The following RARRES1 variants were observed in gnomAD, a reference collection of about 807,000 sequenced individuals.
RARRES1 encodes the protein retinoic acid receptor responder protein 1.
A neutral mutation model predicts 30.6 loss-of-function variants in RARRES1; 34 were observed. The ratio of observed to expected loss-of-function variants is 1.11; its 90% CI spans 0.84 to 1.48. The LOEUF is 1.48. Among genes scored for constraint, RARRES1 ranks in the 40% most tolerant of loss-of-function variants. RARRES1 has a pLI of 0.00. For synonymous variants in RARRES1, 153 were observed against 155.5 expected (o/e 0.98, Z 0.12); for missense variants, 373 against 386.5 (o/e 0.97, Z 0.29).
chr3:158,728,979 A>G lies in RARRES1; in HGVS notation c.276+3161T>C, dbSNP rs534468728. On this transcript the variant is annotated intron_variant, in intron 1 of 5. Coordinates refer to ENST00000237696, the MANE Select transcript of RARRES1 (RefSeq NM_206963.2). ...GGGAATCTCAAAGAGGCCTTCCCTA[A>G]TGACCCTATGCTAAATATGAATTAG... 3.3e-5 allele frequency among the ~76,000 whole-genome samples: 5 copies of G among 152,272 alleles called. No individual in the cohort carries two copies. The South Asian group carries it at 8.3e-4, about 25-fold the overall frequency.
rs138755640 is a variant in RARRES1, at chr3:158,700,202, A to AGTGTGTGT, written c.673-2240_673-2233dup. Among the ~76,000 whole-genome samples, 1,176 of 147,758 alleles carry AGTGTGTGT rather than the reference A, an allele frequency of 8.0e-3. 12 individuals are homozygous for AGTGTGTGT. Among genetic ancestry groups the AGTGTGTGT allele is most frequent in the African/African-American group, 0.027 (1,090 of 39,886 alleles). On this transcript the variant is annotated intron_variant, in intron 4 of 5. Coordinates refer to ENST00000237696, the MANE Select transcript of RARRES1 (RefSeq NM_206963.2). ...CGTCTTTATTTAAAAAATAATAATA[A>AGTGTGTGT]GTGTGTGTGTGTGTGTGTGTGTATA...
chr3:158,728,516 CTTTTTTTTT>C (rs755791546), intron 1 of RARRES1, among the ~76,000 whole-genome samples: 1 of 133,946 alleles, frequency 7.5e-6, no homozygotes, highest in African/African-American at 2.9e-5. Flanking sequence ...CTTTTTCTTT[CTTTTTTTTT>C]TTTTTTTTTG....
At chr3:158,711,186 T>C (rs554748349) in intron 2 of RARRES1, among the ~76,000 whole-genome samples, 1 of 152,166 alleles carries the variant, frequency 6.6e-6, no homozygotes, top group African/African-American at 2.4e-5. Flanking sequence ...AGAAATATCA[T>C]TGACATCCAT....
At chr3:158,719,269 AT>A (rs574609197) in intron 1 of RARRES1, among the ~76,000 whole-genome samples, 5,713 of 122,098 alleles carry the variant, frequency 0.047, 206 homozygotes, top group African/African-American at 0.17. Flanking sequence ...TTATGCTCTA[AT>A]TTTTTTTTTT....
chr3:158,718,557 C>T (rs1023272942), intron 1 of RARRES1, among the ~76,000 whole-genome samples: 32 of 152,184 alleles, frequency 2.1e-4, no homozygotes, highest in Admixed American at 2.1e-3. Context: ...TGGGGCTTTA[C>T]GACTGCAGTC....
intron 1 of RARRES1, among the ~76,000 whole-genome samples, chr3:158,725,608 G>A (rs905769041): frequency 2.0e-5 from 3 of 152,116 alleles, no homozygotes; most frequent in Non-Finnish European, 4.4e-5. Context: ...AAAGCCAAGT[G>A]GAAAATGTCG....
rs543827416 is a variant in RARRES1, at chr3:158,707,780, G to A, written c.536-2853C>T. On this transcript the variant is annotated intron_variant, in intron 3 of 5. Transcript: ENST00000237696. ...TCTTTTAGAAGAAAATACCTGTTGAGAATAAAGCAAAAGGTATTTGTTGCC... is the reference window on the plus strand; with the variant it reads ...TCTTTTAGAAGAAAATACCTGTTGAAAATAAAGCAAAAGGTATTTGTTGCC... Among the ~76,000 whole-genome samples the A allele has an allele frequency of 2.6e-5, 4 of 152,318 alleles. No homozygotes were observed. The South Asian group carries it at 8.3e-4, about 32-fold the overall frequency.
At chr3:158,711,997 A>C (rs190685863) in intron 2 of RARRES1, among the ~76,000 whole-genome samples, 1 of 152,328 alleles carries the variant, frequency 6.6e-6, no homozygotes, top group East Asian at 1.9e-4. Context: ...TGTATGACTC[A>C]TTTCTAGCAT....
In RARRES1 at chr3:158,697,737, C is replaced by A. The variant is rs1299472223; in HGVS notation, c.826G>T (p.Glu276Ter). Residue 276 changes from glutamate (E) to a stop codon, truncating the protein, a stop_gained, in exon 6 of 6, where the codon GAA (glutamate) becomes TAA (stop). Coordinates refer to ENST00000237696, the MANE Select transcript of RARRES1 (RefSeq NM_206963.2). LOFTEE classifies it high-confidence loss of function. The stretch of plus-strand genomic sequence containing the variant: ...GATCCTTCTTCAGTTCCGGAGGCTT[C>A]TTCTGGTGTCTGTAGCTCTTGACAG... ...YHCQELQTPE[E>*]ASGTEEGSAV... 2 of 1,612,958 alleles carry A rather than the reference C, an allele frequency of 1.2e-6. No individual in the cohort carries two copies. The highest frequency in any genetic ancestry group is 1.7e-6 in the Non-Finnish European group (2 of 1,179,038).
At chr3:158,717,030 T>C (rs1286710974) in intron 1 of RARRES1, among the ~76,000 whole-genome samples, 1 of 152,224 alleles carries the variant, frequency 6.6e-6, no homozygotes, top group African/African-American at 2.4e-5. Flanking sequence ...AAGAGCCCCG[T>C]GCTGTTTTGC....
rs77128112 is a variant in RARRES1, at chr3:158,723,895, C to A, written c.276+8245G>T. On this transcript the variant is annotated intron_variant, in intron 1 of 5. Coordinates refer to ENST00000237696, the MANE Select transcript of RARRES1 (RefSeq NM_206963.2). This position sits in a 1 kb window ranked among gnomAD's most constrained non-coding sequence, Gnocchi z 4.4. Reference sequence around the variant, plus strand: ...ATTTCAGCACCCTTCCAGCTACCTTCATTTAATTTAACAAATATCTAATAT... The same window carrying A: ...ATTTCAGCACCCTTCCAGCTACCTTAATTTAATTTAACAAATATCTAATAT... Among the ~76,000 whole-genome samples the A allele has an allele frequency of 2.0e-5, 3 of 152,198 alleles. No individual in the cohort carries two copies. Among genetic ancestry groups the A allele is most frequent in the Non-Finnish European group, 2.9e-5 (2 of 68,040 alleles).
Position 158,732,252 on chromosome 3 carries a change from G to T in RARRES1, c.164C>A (p.Pro55Gln). 1.4e-6 allele frequency: 2 copies of T among 1,379,828 alleles called. No homozygotes were observed. Among genetic ancestry groups the T allele is most frequent in the South Asian group, 1.7e-5 (1 of 58,360 alleles). The allele number at this position is 1,379,828 out of a possible 1,614,324, so 85.5% of individuals were successfully genotyped here. The change falls in exon 1 of 6, where the codon CCG (proline) becomes CAG (glutamine). Residue 55 changes from proline (P) to glutamine (Q), a missense_variant. By Grantham distance (76) the Pro-to-Gln change is moderately conservative. Transcript: ENST00000237696. ...CGCCGCCTGCTGCAGGAGCCTGCGCGGGACCCCAGCATCCTGAGGCTGCCC... is the reference window on the plus strand; with the variant it reads ...CGCCGCCTGCTGCAGGAGCCTGCGCTGGACCCCAGCATCCTGAGGCTGCCC... Reference protein sequence around the residue: ...DPGQPQDAGVPRRLLQQAARA... With the variant: ...DPGQPQDAGVQRRLLQQAARA...
chr3:158,698,659 TTTTC>T (rs1726628379), intron 4 of RARRES1, among the ~76,000 whole-genome samples: 1 of 143,772 alleles, frequency 7.0e-6, no homozygotes, highest in Non-Finnish European at 1.5e-5. Context: ...CAACTCCATA[TTTTC>T]TTTCTGACAT....
chr3:158,713,581 T>C (rs1005932420), intron 2 of RARRES1, among the ~76,000 whole-genome samples: 9 of 152,178 alleles, frequency 5.9e-5, no homozygotes, highest in Non-Finnish European at 1.3e-4. Flanking sequence ...TGGATTGTTT[T>C]AAATGCAACC....
intron 4 of RARRES1, among the ~76,000 whole-genome samples, chr3:158,703,240 T>G (rs904820435): frequency 6.6e-6 from 1 of 152,172 alleles, no homozygotes; most frequent in Non-Finnish European, 1.5e-5. Context: ...TGTTTCCTGC[T>G]TTCCCTCTAT....
chr3:158,718,029 A>G (rs1305579088), intron 1 of RARRES1, among the ~76,000 whole-genome samples: 2 of 146,998 alleles, frequency 1.4e-5, no homozygotes, highest in Non-Finnish European at 3.0e-5. Context: ...CCCAGGCTGG[A>G]GCACAGTTGC....
At chr3:158,715,603 G>A (rs1255363007) in intron 1 of RARRES1, among the ~76,000 whole-genome samples, 1 of 152,096 alleles carries the variant, frequency 6.6e-6, no homozygotes, top group Non-Finnish European at 1.5e-5. Flanking sequence ...ACAGTGCCTG[G>A]GTCAGCATAA....
At chr3:158,721,659 G>GT (rs1727516020) in intron 1 of RARRES1, among the ~76,000 whole-genome samples, 1 of 152,184 alleles carries the variant, frequency 6.6e-6, no homozygotes. Flanking sequence ...CTTTCAAAGT[G>GT]TGGTGACTTC....
intron 4 of RARRES1, among the ~76,000 whole-genome samples, chr3:158,703,594 G>A (rs922391100): frequency 1.8e-4 from 28 of 152,042 alleles, no homozygotes; most frequent in Non-Finnish European, 4.0e-4. Context: ...TGTCCCCACT[G>A]TGCCAGTGAG....
Sources: allele counts gnomAD v4.1 joint callset (sites outside exome capture counted in the v4.1 genomes callset), GRCh38; gene constraint gnomAD v4.1.1; non-coding constraint Gnocchi (gnomAD v3.1); transcripts MANE v1.5; gene names NCBI Gene and HGNC (gene_info 2026-07-23, HGNC 2026-07-21).